The following WWP2 variants were observed in gnomAD, a reference collection of about 807,000 sequenced individuals.
WWP2 encodes NEDD4-like E3 ubiquitin-protein ligase WWP2.
Under a neutral mutation model 121.0 loss-of-function variants are expected in WWP2, and 57 were observed. The ratio of observed to expected loss-of-function variants is 0.47; its 90% CI spans 0.38 to 0.59. WWP2 has a LOEUF of 0.59. Among genes scored for constraint, WWP2 ranks in the 20% least tolerant of loss-of-function variants. The probability of loss-of-function intolerance (pLI) is 0.00; values close to 1 mark genes in which losing one functional copy is unlikely to be tolerated. For missense variants in WWP2, 962 were observed against 1,158.9 expected (o/e 0.83, Z 2.47); for synonymous variants, 449 against 441.3 (o/e 1.02, Z -0.22).
At chr16:69,785,587 G>A (rs1158774342) in intron 1 of WWP2, among the ~76,000 whole-genome samples, 2 of 151,506 alleles carry the variant, frequency 1.3e-5, no homozygotes, top group Non-Finnish European at 2.9e-5. Flanking sequence ...TAGCCAAGAC[G>A]GAATGACAGG....
chr16:69,848,450 C>CAA (rs201577619), intron 6 of WWP2, among the ~76,000 whole-genome samples: 2 of 132,260 alleles, frequency 1.5e-5, no homozygotes, highest in East Asian at 2.2e-4. Context: ...AGCTCCATCT[C>CAA]AAAAAAAAAA....
chr16:69,844,443 T>C (rs1297878376), intron 6 of WWP2, among the ~76,000 whole-genome samples: 1 of 152,184 alleles, frequency 6.6e-6, no homozygotes. Context: ...TTTAGCTGAG[T>C]TGGAAAGTTT....
intron 4 of WWP2, among the ~76,000 whole-genome samples, chr16:69,800,144 C>A (rs1349318113): frequency 6.6e-6 from 1 of 150,490 alleles, no homozygotes; most frequent in African/African-American, 2.4e-5. Flanking sequence ...AGCGATGGGC[C>A]ACTTGAAAGG....
intron 8 of WWP2, 31 bp from the exon 9 acceptor site, chr16:69,908,730 G>A (rs2058336563): frequency 6.2e-7 from 1 of 1,613,634 alleles, no homozygotes; most frequent in South Asian, 1.1e-5. Context: ...TCCACTGTGT[G>A]TCTCATGCTA....
intron 2 of WWP2, among the ~76,000 whole-genome samples, chr16:69,797,460 A>G (rs146616060): frequency 6.6e-6 from 1 of 152,302 alleles, no homozygotes; most frequent in African/African-American, 2.4e-5. Context: ...TCTCCTGGGT[A>G]AAATGGGGTG....
chr16:69,778,032 T>A (rs2055572828), intron 1 of WWP2, among the ~76,000 whole-genome samples: 1 of 150,038 alleles, frequency 6.7e-6, no homozygotes, highest in South Asian at 2.1e-4. Flanking sequence ...ATTGTGCCAC[T>A]GCACTCCAGC....
At chr16:69,795,787 A>C (rs1269211956) in intron 2 of WWP2, among the ~76,000 whole-genome samples, 1 of 148,924 alleles carries the variant, frequency 6.7e-6, no homozygotes, top group African/African-American at 2.5e-5. Context: ...AGCTGGGACT[A>C]CTGTTGTGCC....
chr16:69,924,332 C>T (rs1004356261), intron 10 of WWP2, among the ~76,000 whole-genome samples: 54 of 152,318 alleles, frequency 3.5e-4, no homozygotes, highest in Admixed American at 1.2e-3. Flanking sequence ...GGCTCCGGCA[C>T]CCCTAGACGG....
At chr16:69,846,068 A>AAAAAAAAAAAAAAAAAAAAAAAT (rs2057072303) in intron 6 of WWP2, among the ~76,000 whole-genome samples, 1 of 150,260 alleles carries the variant, frequency 6.7e-6, no homozygotes, top group African/African-American at 2.5e-5. Context: ...AAAAAAAAAA[A>AAAAAAAAAAAAAAAAAAAAAAAT]AAGAATACTT....
In WWP2 at chr16:69,879,538, C is replaced by T. The variant is rs9931243; in HGVS notation, c.703+7607C>T. 3.3e-3 allele frequency among the ~76,000 whole-genome samples: 499 copies of T among 152,254 alleles called. 4 individuals carry two copies. The highest frequency in any genetic ancestry group is 7.6e-3 in the African/African-American group (314 of 41,542). On this transcript the variant is annotated intron_variant, in intron 7 of 23. Coordinates refer to ENST00000359154, the MANE Select transcript of WWP2 (RefSeq NM_001270454.2). ...CATTTTTGATTCATCCATGTTGTAGCGTGTGTCAGAATTTCCTTCCTTTTT... is the reference window on the plus strand; with the variant it reads ...CATTTTTGATTCATCCATGTTGTAGTGTGTGTCAGAATTTCCTTCCTTTTT...
In WWP2 at chr16:69,842,014, T is replaced by A; in HGVS notation, c.479-10T>A. On this transcript the variant is annotated splice_polypyrimidine_tract_variant and intron_variant, in intron 5 of 23. Transcript: ENST00000359154. ...GCTTCTGTCTTTTCTTGTGATTGAT[T>A]CCTTTCTAGGATCACAGCTGCCTTC... 6.2e-7 allele frequency: 1 copy of A among 1,610,260 alleles called. No individual in the cohort carries two copies. The highest frequency in any genetic ancestry group is 8.5e-7 in the Non-Finnish European group (1 of 1,178,042).
chr16:69,916,131 G>A (rs1466192206), intron 9 of WWP2, among the ~76,000 whole-genome samples: 2 of 152,148 alleles, frequency 1.3e-5, no homozygotes, highest in Non-Finnish European at 2.9e-5. Flanking sequence ...ATTTTTGTGA[G>A]CCTTGTGTAC....
chr16:69,888,340 T>A, intron 8 of WWP2, 91 bp downstream of exon 8: 2 of 1,335,040 alleles, frequency 1.5e-6, no homozygotes, highest in Non-Finnish European at 2.0e-6. Flanking sequence ...ATTTATTACC[T>A]AGTGGCTAGT....
chr16:69,924,051 C>G (rs1402945483), intron 10 of WWP2, among the ~76,000 whole-genome samples: 3 of 152,236 alleles, frequency 2.0e-5, no homozygotes, highest in Admixed American at 2.0e-4. Context: ...GAGCTTCCCC[C>G]ACCTCCGTGC....
intron 1 of WWP2, among the ~76,000 whole-genome samples, chr16:69,778,504 C>T (rs2055589404): frequency 6.6e-6 from 1 of 151,940 alleles, no homozygotes; most frequent in African/African-American, 2.4e-5. Context: ...GAAGTCTGGG[C>T]CTCAGGTTTC....
chr16:69,936,759 C>G (rs559707220), intron 19 of WWP2: 1 of 498,618 alleles, frequency 2.0e-6, no homozygotes, highest in South Asian at 2.3e-5. Context: ...CCGAAAGGAT[C>G]TCTGTGGCCT....
At chr16:69,882,083 G>T (rs1803626012) in intron 7 of WWP2, among the ~76,000 whole-genome samples, 1 of 152,014 alleles carries the variant, frequency 6.6e-6, no homozygotes, top group South Asian at 2.1e-4. Context: ...GCCTCCGAAA[G>T]TACTGGGATT....
At chr16:69,801,318 G>GTGATC (rs2056161591) in intron 4 of WWP2, among the ~76,000 whole-genome samples, 3 of 150,270 alleles carry the variant, frequency 2.0e-5, no homozygotes, top group Admixed American at 2.0e-4. Context: ...CGTAGCCTCT[G>GTGATC]CTCCTGGGCT....
chr16:69,916,113 G>T (rs764156333), intron 9 of WWP2, among the ~76,000 whole-genome samples: 1 of 152,114 alleles, frequency 6.6e-6, no homozygotes. Flanking sequence ...AAGCTAGGAA[G>T]GTTCCAGATT....
Sources: gnomAD v4.1 joint callset for allele counts (sites outside exome capture counted in the v4.1 genomes callset) on GRCh38, gnomAD v4.1.1 for gene constraint, MANE v1.5 for transcripts, NCBI Gene and HGNC (gene_info 2026-07-23, HGNC 2026-07-21) for gene names.